Variants in AXDND1 observed in about 807,000 individuals in gnomAD.
AXDND1 encodes axonemal dynein light chain domain containing 1.
A neutral mutation model predicts 137.5 loss-of-function variants in AXDND1; 110 were observed. The observed-to-expected ratio is 0.80, with a 90% confidence interval of 0.69 to 0.94. AXDND1 has a LOEUF of 0.94. Ranked by LOEUF, AXDND1 falls within the 40% of genes least tolerant of loss-of-function variation. AXDND1 has a pLI of 0.00. For missense variants in AXDND1, 1,191 were observed against 1,169.8 expected, an observed-to-expected ratio of 1.02 and a Z score of -0.26; for synonymous variants, 414 against 399.7, an observed-to-expected ratio of 1.04 and a Z score of -0.43.
At position 179,366,481 on chromosome 1, in the gene AXDND1, T is replaced by G. The variant is rs753083576; in HGVS notation, c.-29T>G. 2.4e-5 allele frequency: 38 copies of G among 1,563,180 alleles called. No homozygotes were observed. Among genetic ancestry groups the G allele is most frequent in the Non-Finnish European group, 3.1e-5 (35 of 1,134,544 alleles). ...AGCTTTCCGGAGGACTATTTCAAAT[T>G]ACTAAAGAGATAGGAGGCATTGTTT... On this transcript the variant is annotated 5_prime_UTR_variant, in exon 2 of 26. In the 5' UTR this introduces an upstream ATG that the reference lacks. Transcript: ENST00000367618.
Position 179,456,736 on chromosome 1 carries a change from A to C in AXDND1, c.1798+11532A>C, listed in dbSNP as rs145985400. On this transcript the variant is annotated intron_variant, in intron 16 of 25. Transcript: ENST00000367618. ...AAACCACCTCCATGACCACCACCAA[A>C]GTTTCCAGAACTACTTTGACCTCTT... The C allele has an allele frequency of 5.2e-3, 4,048 of 784,006 alleles. 111 individuals carry two copies. The African/African-American group carries it at 0.06, about 12-fold the overall frequency. 48.6% of individuals were successfully genotyped at this position (784,006 alleles called of 1,614,324 possible). A position where few individuals can be genotyped will look rare whatever the true frequency, so the allele number is the denominator to read the frequency against.
At chr1:179,550,894 A>T in intron 25 of AXDND1, 1 of 463,294 alleles carries the variant, frequency 2.2e-6, no homozygotes, top group East Asian at 4.2e-5. Context: ...AAATTTAACC[A>T]CATCTAGACT....
chr1:179,444,474 A>G (rs961386392), intron 15 of AXDND1, among the ~76,000 whole-genome samples: 12 of 152,156 alleles, frequency 7.9e-5, no homozygotes, highest in African/African-American at 2.9e-4. Flanking sequence ...GCCAAATTAT[A>G]TATATAAATT....
At position 179,368,573 on chromosome 1, in the gene AXDND1, T is replaced by G. The variant is rs572691283; in HGVS notation, c.98-227T>G. Among the ~76,000 whole-genome samples the G allele has an allele frequency of 8.7e-4, 132 of 152,322 alleles. 1 individual carries two copies. The highest frequency in any genetic ancestry group is 2.3e-3 in the African/African-American group (95 of 41,574). ...GCAGGTTCATCTTGGTACCTGAGTT[T>G]TTGAAACTGTGTCTGATGTAATGTG... On this transcript the variant is annotated intron_variant, in intron 2 of 25. Coordinates refer to ENST00000367618, the MANE Select transcript of AXDND1 (RefSeq NM_144696.6).
intron 17 of AXDND1, 63 bp from the exon 18 acceptor site, chr1:179,483,065 T>C (rs1665615827): frequency 9.1e-7 from 1 of 1,098,478 alleles, no homozygotes; most frequent in African/African-American, 1.6e-5. Flanking sequence ...TTCTCATAGC[T>C]GATAGTTACA....
At chr1:179,502,950 C>A (rs1409483863) in intron 20 of AXDND1, among the ~76,000 whole-genome samples, 1 of 151,942 alleles carries the variant, frequency 6.6e-6, no homozygotes, top group East Asian at 1.9e-4. Flanking sequence ...ACAAAATTAG[C>A]CAGGCGTGGT....
intron 21 of AXDND1, among the ~76,000 whole-genome samples, chr1:179,510,566 A>C (rs1668946116): frequency 1.3e-5 from 2 of 152,192 alleles, no homozygotes; most frequent in Non-Finnish European, 2.9e-5. Flanking sequence ...GAATGATTTT[A>C]TCAACATTAT....
intron 4 of AXDND1, among the ~76,000 whole-genome samples, chr1:179,371,279 T>C (rs1182454552): frequency 6.6e-6 from 1 of 151,958 alleles, no homozygotes; most frequent in Non-Finnish European, 1.5e-5. Context: ...AATACAAAAA[T>C]TAGCCAGGCG....
At chr1:179,401,364 T>C (rs12724320) in intron 11 of AXDND1, among the ~76,000 whole-genome samples, 44,707 of 151,686 alleles carry the variant, frequency 0.29, 6,794 homozygotes, top group Non-Finnish European at 0.31. Flanking sequence ...ATACATTTCA[T>C]AGTTGGGTTA....
chr1:179,464,654 G>A (rs568499658), intron 16 of AXDND1, among the ~76,000 whole-genome samples: 4 of 152,278 alleles, frequency 2.6e-5, no homozygotes, highest in African/African-American at 9.6e-5. Flanking sequence ...GAATTTGAAT[G>A]TTGGCCTGCC....
rs146390172 is a variant in AXDND1 at position 179,502,287 on chromosome 1, G to T, written c.2389-7009G>T. On this transcript the variant is annotated intron_variant, in intron 20 of 25. Transcript: ENST00000367618. The stretch of plus-strand genomic sequence containing the variant: ...TGGCAAAAATTACAAAGTCTAGGCC[G>T]AGTGTGGTGGCTTACGCCTGTAATC... Among the ~76,000 whole-genome samples, 602 of 152,256 alleles carry T rather than the reference G, an allele frequency of 4.0e-3. 4 individuals are homozygous for T. Among genetic ancestry groups the T allele is most frequent in the African/African-American group, 0.014 (573 of 41,566 alleles).
intron 18 of AXDND1, among the ~76,000 whole-genome samples, chr1:179,489,519 C>A (rs956705510): frequency 6.6e-6 from 1 of 152,096 alleles, no homozygotes; most frequent in Admixed American, 6.5e-5. Context: ...CACAAAGAAG[C>A]AGCAGGGACA....
intron 25 of AXDND1, among the ~76,000 whole-genome samples, chr1:179,539,820 G>A (rs1671942762): frequency 6.6e-6 from 1 of 152,102 alleles, no homozygotes; most frequent in African/African-American, 2.4e-5. Flanking sequence ...TCACTTTCGG[G>A]TACGCCAATC....
chr1:179,385,310 C>G lies in AXDND1; in HGVS notation c.814C>G (p.Gln272Glu). 6.2e-7 allele frequency: 1 copy of G among 1,613,828 alleles called. No individual in the cohort carries two copies. Among genetic ancestry groups the G allele is most frequent in the Non-Finnish European group, 8.5e-7 (1 of 1,179,786 alleles). ...CATGATATTTCATGAACTTATTCGA[C>G]AAGTCAGTGTGGACTGTGCAGACAG... Reference protein sequence around the residue: ...YNMIFHELIRQVSVDCADRGE... With the variant: ...YNMIFHELIREVSVDCADRGE... The change falls in exon 9 of 26, where the codon CAA becomes GAA. Residue 272 changes from glutamine to glutamate, a missense_variant. Transcript: ENST00000367618.
intron 9 of AXDND1, among the ~76,000 whole-genome samples, chr1:179,386,180 T>C (rs1292816226): frequency 6.6e-6 from 1 of 150,858 alleles, no homozygotes; most frequent in Non-Finnish European, 1.5e-5. Flanking sequence ...GCCTCCCGAG[T>C]AGCTGGGATT....
chr1:179,409,869 C>T (rs1653587992), intron 11 of AXDND1, among the ~76,000 whole-genome samples: 2 of 151,980 alleles, frequency 1.3e-5, no homozygotes, highest in Admixed American at 1.3e-4. Context: ...TAATTATCTC[C>T]AGTGTTTTTT....
At chr1:179,494,622 C>T (rs1487959924) in intron 20 of AXDND1, among the ~76,000 whole-genome samples, 1 of 151,886 alleles carries the variant, frequency 6.6e-6, no homozygotes, top group Non-Finnish European at 1.5e-5. Flanking sequence ...GATCTTCCCA[C>T]CTCAGTCTCC....
At chr1:179,386,386 A>T (rs538751346) in intron 9 of AXDND1, among the ~76,000 whole-genome samples, 1 of 151,612 alleles carries the variant, frequency 6.6e-6, no homozygotes, top group South Asian at 2.1e-4. Flanking sequence ...GAGCAGTTTC[A>T]CTATGCTATG....
intron 15 of AXDND1, among the ~76,000 whole-genome samples, chr1:179,440,898 AC>A (rs1440405600): frequency 6.6e-6 from 1 of 152,168 alleles, no homozygotes; most frequent in African/African-American, 2.4e-5. Flanking sequence ...GAGCTCTAAA[AC>A]CTGAATGACT....
Sources: gnomAD v4.1 joint callset for allele counts (sites outside exome capture counted in the v4.1 genomes callset) on GRCh38, gnomAD v4.1.1 for gene constraint, MANE v1.5 for transcripts, NCBI Gene and HGNC (gene_info 2026-07-23, HGNC 2026-07-21) for gene names.